The following CCNB2 variants were observed in gnomAD, a reference collection of about 807,000 sequenced individuals.
CCNB2 encodes G2/mitotic-specific cyclin-B2.
Under a neutral mutation model 51.1 loss-of-function variants are expected in CCNB2, and 39 were observed. The ratio of observed to expected loss-of-function variants is 0.76; its 90% CI spans 0.59 to 1.00. The LOEUF is 1.00. Among genes scored for constraint, CCNB2 ranks in the 50% least tolerant of loss-of-function variants. The pLI, the probability that CCNB2 is intolerant of heterozygous loss-of-function variation, is 0.00. For synonymous variants in CCNB2, 174 were observed against 165.5 expected (o/e 1.05, Z -0.40); for missense variants, 472 against 470.3 (o/e 1.00, Z -0.03).
intron 7 of CCNB2, chr15:59,121,179 A>G (rs1175937586): frequency 6.6e-6 from 1 of 152,238 alleles, no homozygotes; most frequent in Non-Finnish European, 1.5e-5. Flanking sequence ...TTCAAATGGC[A>G]TAGCAAAAAT....
Position 59,112,349 on chromosome 15 carries a change from G to A in CCNB2, c.268-2095G>A, listed in dbSNP as rs540743272. On this transcript the variant is annotated intron_variant, in intron 3 of 8. Coordinates refer to ENST00000288207, the MANE Select transcript of CCNB2 (RefSeq NM_004701.4). ...TTGAGCTTTACTGTAAATTAAAATT[G>A]TCTTTTTTTTTTTGAGACAGAGTCT... 1.3e-3 allele frequency among the ~76,000 whole-genome samples: 177 copies of A among 137,008 alleles called. 2 individuals are homozygous for A. The highest frequency in any genetic ancestry group is 2.1e-3 in the Non-Finnish European group (129 of 61,964). 89.9% of individuals were successfully genotyped at this position (137,008 alleles called of 152,430 possible).
At chr15:59,114,294 A>G (rs1286241661) in intron 3 of CCNB2, 150 bp from the exon 4 acceptor site, 10 of 570,346 alleles carry the variant, frequency 1.8e-5, no homozygotes, top group Admixed American at 7.0e-5. Flanking sequence ...TTCACATACT[A>G]TATCTTGAAT....
At chr15:59,122,773 C>T (rs1448397269) in intron 7 of CCNB2, among the ~76,000 whole-genome samples, 7 of 151,572 alleles carry the variant, frequency 4.6e-5, no homozygotes, top group South Asian at 4.2e-4. Flanking sequence ...TAAGCTCAAG[C>T]GATCTTCTTG....
rs28383565 is a variant in CCNB2 at position 59,125,028 on chromosome 15, T to C, written c.*151T>C. ...CATATATTGAGGAAAAATAAAGCGA[T>C]TGGTTTTTCTTAAGGTATCCCATGT... On this transcript the variant is annotated 3_prime_UTR_variant, in exon 9 of 9. Coordinates refer to ENST00000288207, the MANE Select transcript of CCNB2 (RefSeq NM_004701.4). 20 of 489,480 alleles carry C rather than the reference T, an allele frequency of 4.1e-5. No homozygotes were observed. Among genetic ancestry groups the C allele is most frequent in the Admixed American group, 7.6e-5 (2 of 26,340 alleles). 30.3% of individuals were successfully genotyped at this position (489,480 alleles called of 1,614,324 possible). A position where few individuals can be genotyped will look rare whatever the true frequency, so the allele number is the denominator to read the frequency against.
chr15:59,105,225 T>G lies in CCNB2; in HGVS notation c.-44T>G, dbSNP rs1403575278. ...TAGTGTCCTCCCTTTTCAGTCCGCG[T>G]CCCTCCCTGGGCCGGGCTGGCACTC... On this transcript the variant is annotated 5_prime_UTR_variant, in exon 1 of 9. Coordinates refer to ENST00000288207, the MANE Select transcript of CCNB2 (RefSeq NM_004701.4). 3 of 1,548,190 alleles carry G rather than the reference T, an allele frequency of 1.9e-6. No individual in the cohort carries two copies. In the Admixed American group the frequency reaches 5.8e-5, roughly 30 times the overall value.
chr15:59,105,159 G>A lies in CCNB2; in HGVS notation c.-110G>A. ...GGCTACAGCGTCGAAGATCCCCAGC[G>A]CTGCGGGCTCGGAGAGCAGTCCTAA... On this transcript the variant is annotated 5_prime_UTR_variant, in exon 1 of 9. Transcript: ENST00000288207. 9.9e-7 allele frequency: 1 copy of A among 1,009,818 alleles called. No homozygotes were observed. The highest frequency in any genetic ancestry group is 1.5e-5 in the South Asian group (1 of 64,524). The allele number at this position is 1,009,818 out of a possible 1,614,324, so 62.6% of individuals were successfully genotyped here. A position where few individuals can be genotyped will look rare whatever the true frequency, so the allele number is the denominator to read the frequency against.
Position 59,105,157 on chromosome 15 carries a change from G to T in CCNB2, c.-112G>T. On this transcript the variant is annotated 5_prime_UTR_variant, in exon 1 of 9. Transcript: ENST00000288207. Reference sequence around the variant, plus strand: ...AAGGCTACAGCGTCGAAGATCCCCAGCGCTGCGGGCTCGGAGAGCAGTCCT... The same window carrying T: ...AAGGCTACAGCGTCGAAGATCCCCATCGCTGCGGGCTCGGAGAGCAGTCCT... The T allele has an allele frequency of 2.0e-6, 2 of 995,944 alleles. No homozygotes were observed. The highest frequency in any genetic ancestry group is 3.0e-6 in the Non-Finnish European group (2 of 675,580). The allele number at this position is 995,944 out of a possible 1,614,324, so 61.7% of individuals were successfully genotyped here.
Position 59,114,434 on chromosome 15 carries a change from G to A in CCNB2, c.268-10G>A, listed in dbSNP as rs1235217936. 1 of 1,564,668 alleles carries A rather than the reference G, an allele frequency of 6.4e-7. No homozygotes were observed. Among genetic ancestry groups the A allele is most frequent in the East Asian group, 2.3e-5 (1 of 44,404 alleles). On this transcript the variant is annotated splice_polypyrimidine_tract_variant and intron_variant, in intron 3 of 8. Coordinates refer to ENST00000288207, the MANE Select transcript of CCNB2 (RefSeq NM_004701.4). The stretch of plus-strand genomic sequence containing the variant: ...GCTGCTCCTACATGTGCCTAAATTT[G>A]TTGGTGTAGGGTCCTTCTCCCACAC...
intron 3 of CCNB2, among the ~76,000 whole-genome samples, chr15:59,110,091 T>C (rs916232968): frequency 6.6e-6 from 1 of 152,132 alleles, no homozygotes. Context: ...GGCTTTTTTT[T>C]TTCTTTTTTT....
intron 7 of CCNB2, among the ~76,000 whole-genome samples, chr15:59,118,011 T>C (rs757129590): frequency 6.6e-6 from 1 of 152,212 alleles, no homozygotes; most frequent in Non-Finnish European, 1.5e-5. Context: ...CTAAGGTGCA[T>C]GTGTGCAGTA....
chr15:59,117,438 C>A, intron 7 of CCNB2, 70 bp downstream of exon 7: 1 of 1,472,256 alleles, frequency 6.8e-7, no homozygotes, highest in Non-Finnish European at 9.4e-7. Flanking sequence ...AAGGCCTTAG[C>A]ATTTTTACAA....
intron 7 of CCNB2, among the ~76,000 whole-genome samples, chr15:59,122,328 A>C (rs1324909014): frequency 2.3e-5 from 3 of 128,092 alleles, no homozygotes; most frequent in African/African-American, 6.1e-5. Flanking sequence ...AGCTCACTGC[A>C]GCCTCTGCCT....
chr15:59,114,689 G>A lies in CCNB2; in HGVS notation c.439-29G>A, dbSNP rs768878112. 4 of 1,593,324 alleles carry A rather than the reference G, an allele frequency of 2.5e-6. No individual in the cohort carries two copies. The East Asian group carries it at 9.0e-5, about 36-fold the overall frequency. Reference sequence around the variant, plus strand: ...CACAGCTGGGAAGCAAACAAGGTCAGCTTTTTAAACTTTTGATTCTACCCA... The same window carrying A: ...CACAGCTGGGAAGCAAACAAGGTCAACTTTTTAAACTTTTGATTCTACCCA... On this transcript the variant is annotated intron_variant, in intron 4 of 8. Transcript: ENST00000288207.
At chr15:59,116,404 T>G (rs1236639687) in intron 5 of CCNB2, among the ~76,000 whole-genome samples, 1 of 152,234 alleles carries the variant, frequency 6.6e-6, no homozygotes, top group African/African-American at 2.4e-5. Context: ...TGTCTGAATC[T>G]GTTCTCAGGA....
chr15:59,112,488 G>A (rs1443841250), intron 3 of CCNB2, among the ~76,000 whole-genome samples: 3 of 151,798 alleles, frequency 2.0e-5, no homozygotes, highest in South Asian at 4.2e-4. Context: ...GGGATTACAG[G>A]TGTGTGACAC....
chr15:59,108,349 A>G (rs1028748705), intron 3 of CCNB2, among the ~76,000 whole-genome samples: 1 of 152,186 alleles, frequency 6.6e-6, no homozygotes, highest in African/African-American at 2.4e-5. Flanking sequence ...GGCTTGAGGA[A>G]ACAAAGTTTT....
At chr15:59,115,505 A>G (rs1164856983) in intron 5 of CCNB2, 1 of 152,226 alleles carries the variant, frequency 6.6e-6, no homozygotes, top group African/African-American at 2.4e-5. Flanking sequence ...GAGACAGCAG[A>G]TATAAATTGC....
At chr15:59,119,276 G>C (rs1481221638) in intron 7 of CCNB2, among the ~76,000 whole-genome samples, 3 of 151,928 alleles carry the variant, frequency 2.0e-5, no homozygotes, top group Admixed American at 2.0e-4. Context: ...CCTGGGTAGC[G>C]TAGCAAGACC....
intron 1 of CCNB2, among the ~76,000 whole-genome samples, chr15:59,105,661 C>G (rs2079232852): frequency 1.3e-5 from 2 of 152,332 alleles, no homozygotes; most frequent in South Asian, 2.1e-4. Context: ...TTTCCCTCCC[C>G]CTTTCTTACA....
Sources: allele counts gnomAD v4.1 joint callset (sites outside exome capture counted in the v4.1 genomes callset), GRCh38; gene constraint gnomAD v4.1.1; transcripts MANE v1.5; gene names NCBI Gene and HGNC (gene_info 2026-07-23, HGNC 2026-07-21).